TERT: variants seen among roughly 807,000 people sequenced by gnomAD.
TERT encodes telomerase reverse transcriptase, also known as telomerase catalytic subunit.
Under a neutral mutation model 104.0 loss-of-function variants are expected in TERT, and 42 were observed. That is an observed-to-expected ratio of 0.40 (90% CI 0.32 to 0.52). The LOEUF (loss-of-function observed/expected upper bound fraction) is 0.52, where lower values mean the gene tolerates loss of function less well. Ranked by LOEUF, TERT falls within the 20% of genes least tolerant of loss-of-function variation. The probability of loss-of-function intolerance (pLI) is 0.43; values close to 1 mark genes in which losing one functional copy is unlikely to be tolerated. For synonymous variants in TERT, 781 were observed against 725.6 expected (o/e 1.08, Z -1.23); for missense variants, 1,101 against 1,610.3 (o/e 0.68, Z 5.41).
In TERT at chr5:1,279,225, A is replaced by T. The variant is rs1025620708; in HGVS notation, c.2130+66T>A. The T allele has an allele frequency of 8.6e-6, 13 of 1,512,662 alleles. No homozygotes were observed. The African/African-American group carries it at 1.8e-4, about 21-fold the overall frequency. The allele number at this position is 1,512,662 out of a possible 1,614,324, so 93.7% of individuals were successfully genotyped here. On this transcript the variant is annotated intron_variant, in intron 5 of 15. Transcript: ENST00000310581. ...AGGAGTACCTCCTCCACCCAACATG[A>T]GGTGCCAATCAGGCAGCCACTCCCA... is the stretch of plus-strand genomic sequence containing the variant.
At chr5:1,266,993 C>G (rs893160423) in intron 9 of TERT, among the ~76,000 whole-genome samples, 48 of 152,324 alleles carry the variant, frequency 3.2e-4, no homozygotes, top group African/African-American at 1.1e-3. Flanking sequence ...GACCCTCAGG[C>G]CCAAGCCCAG....
intron 3 of TERT, among the ~76,000 whole-genome samples, chr5:1,281,949 G>C (rs192312870): frequency 2.0e-5 from 3 of 152,088 alleles, no homozygotes; most frequent in African/African-American, 7.2e-5. Flanking sequence ...TTAGCCAGGC[G>C]TGGTGGCAGG....
rs1000294061 is a variant in TERT at position 1,265,263 on chromosome 5, C to T, written c.2655-671G>A. On this transcript the variant is annotated intron_variant, in intron 10 of 15. Transcript: ENST00000310581. The surrounding 1 kb of genome is among the most constrained non-coding windows in gnomAD (Gnocchi z 6.9). Reference sequence around the variant, plus strand: ...CTTCCTGCGGCCTCTGCTGTGGCCCCGGGCGTCCCCCTGCCCTTCCTGTGG... The same window carrying T: ...CTTCCTGCGGCCTCTGCTGTGGCCCTGGGCGTCCCCCTGCCCTTCCTGTGG... Among the ~76,000 whole-genome samples, 3 of 152,138 alleles carry T rather than the reference C, an allele frequency of 2.0e-5. No homozygotes were observed. Among genetic ancestry groups the T allele is most frequent in the Non-Finnish European group, 2.9e-5 (2 of 68,012 alleles).
chr5:1,280,665 C>T (rs1749960725), intron 3 of TERT, among the ~76,000 whole-genome samples: 1 of 152,206 alleles, frequency 6.6e-6, no homozygotes, highest in South Asian at 2.1e-4. Context: ...AACCCATGCC[C>T]CTCCACACAG....
intron 13 of TERT, among the ~76,000 whole-genome samples, chr5:1,258,092 CA>C (rs924476790): frequency 3.3e-5 from 5 of 152,228 alleles, no homozygotes; most frequent in African/African-American, 1.2e-4. Context: ...GTTCCAGGAG[CA>C]CAGCCATGCC....
At position 1,255,593 on chromosome 5, in the gene TERT, C is replaced by T. The variant is rs543178062; in HGVS notation, c.3033-182G>A. On this transcript the variant is annotated intron_variant, in intron 13 of 15. Coordinates refer to ENST00000310581, the MANE Select transcript of TERT (RefSeq NM_198253.3). The surrounding 1 kb of genome is among the most constrained non-coding windows in gnomAD (Gnocchi z 6.9). ...ATGTCTGTGTGTGTGCTTGTGTGTG[C>T]GAGTAGCTGCGTGTCTGTGTGTGCA... 8.5e-5 allele frequency among the ~76,000 whole-genome samples: 13 copies of T among 152,326 alleles called. No individual in the cohort carries two copies. Among genetic ancestry groups the T allele is most frequent in the South Asian group, 8.3e-4 (4 of 4,830 alleles).
At position 1,265,551 on chromosome 5, in the gene TERT, C is replaced by T. The variant is rs955904931; in HGVS notation, c.2654+913G>A. Among the ~76,000 whole-genome samples the T allele has an allele frequency of 6.6e-6, 1 of 152,084 alleles. No homozygotes were observed. Among genetic ancestry groups the T allele is most frequent in the South Asian group, 2.1e-4 (1 of 4,828 alleles). ...CAGTTGCTTGGGACCTGGGCTCCCCCCGAGTGAATCTTAGTGGATTTAAAT... is the reference window on the plus strand; with the variant it reads ...CAGTTGCTTGGGACCTGGGCTCCCCTCGAGTGAATCTTAGTGGATTTAAAT... On this transcript the variant is annotated intron_variant, in intron 10 of 15. Transcript: ENST00000310581. This position sits in a 1 kb window ranked among gnomAD's most constrained non-coding sequence, Gnocchi z 6.9.
At chr5:1,289,167 CCGCAA>C (rs1750686336) in intron 2 of TERT, among the ~76,000 whole-genome samples, 2 of 149,770 alleles carry the variant, frequency 1.3e-5, no homozygotes, top group East Asian at 2.0e-4. Flanking sequence ...CACCCGGGGG[CCGCAA>C]CTCACTCACC....
rs1488980741 is a variant in TERT, at chr5:1,257,487, G to A, written c.3032+1111C>T. On this transcript the variant is annotated intron_variant, in intron 13 of 15. Transcript: ENST00000310581. The surrounding 1 kb of genome is among the most constrained non-coding windows in gnomAD (Gnocchi z 5.6). ...GCAGCTTGCACGAGGGCCCAGGCAC[G>A]CGTCAGGGAGATGCAAACGAGGGAA... 3.3e-5 allele frequency among the ~76,000 whole-genome samples: 5 copies of A among 152,144 alleles called. No individual in the cohort carries two copies. The highest frequency in any genetic ancestry group is 7.4e-5 in the Non-Finnish European group (5 of 68,024).
chr5:1,280,248 T>C lies in TERT; in HGVS notation c.1860A>G (p.Arg620=), dbSNP rs1462804544. 2.5e-6 allele frequency: 4 copies of C among 1,613,666 alleles called. No individual in the cohort carries two copies. Among genetic ancestry groups the C allele is most frequent in the Non-Finnish European group, 3.4e-6 (4 of 1,180,000 alleles). The change falls in exon 4 of 16, where the codon AGA becomes AGG. Residue 620 remains arginine (R), a synonymous_variant. Transcript: ENST00000310581. Reference sequence around the variant, plus strand: ...CGTCAGGCTTGGGGATGAAGCGGAGTCTGGACGTCAGCAGGGCGGGCCTGG... The same window carrying C: ...CGTCAGGCTTGGGGATGAAGCGGAGCCTGGACGTCAGCAGGGCGGGCCTGG... ...REARPALLTS[R]LRFIPKPDGL...
At chr5:1,291,393 A>G (rs370816349) in intron 2 of TERT, among the ~76,000 whole-genome samples, 30 of 11,466 alleles carry the variant, frequency 2.6e-3, no homozygotes, top group East Asian at 5.0e-3. Flanking sequence ...ACCCGGGGAC[A>G]GCGCCTCACT....
Position 1,280,254 on chromosome 5 carries a change from C to G in TERT, c.1854G>C (p.Thr618=), listed in dbSNP as rs746040728. ...QHREARPALL[T]SRLRFIPKPD... The stretch of plus-strand genomic sequence containing the variant: ...GCTTGGGGATGAAGCGGAGTCTGGA[C>G]GTCAGCAGGGCGGGCCTGGCTTCCC... Residue 618 remains threonine, a synonymous_variant, in exon 4 of 16, where the codon ACG becomes ACC. Transcript: ENST00000310581. 6.2e-7 allele frequency: 1 copy of G among 1,613,818 alleles called. No individual in the cohort carries two copies. Among genetic ancestry groups the G allele is most frequent in the East Asian group, 2.2e-5 (1 of 44,894 alleles).
Position 1,274,326 on chromosome 5 carries a change from C to T in TERT, c.2287-2046G>A, listed in dbSNP as rs558945938. Among the ~76,000 whole-genome samples, 1 of 152,222 alleles carries T rather than the reference C, an allele frequency of 6.6e-6. No individual in the cohort carries two copies. The highest frequency in any genetic ancestry group is 1.5e-5 in the Non-Finnish European group (1 of 68,040). ...CACAAATAGCCCATGGGTCTGAGGT[C>T]GGCGGAAAGCATCACAGAAATCCGT... On this transcript the variant is annotated intron_variant, in intron 6 of 15. Coordinates refer to ENST00000310581, the MANE Select transcript of TERT (RefSeq NM_198253.3). This position sits in a 1 kb window ranked among gnomAD's most constrained non-coding sequence, Gnocchi z 5.3.
intron 11 of TERT, among the ~76,000 whole-genome samples, 158 bp from the exon 12 acceptor site, chr5:1,260,758 A>T (rs1362911331): frequency 1.3e-5 from 2 of 151,592 alleles, no homozygotes; most frequent in Non-Finnish European, 2.9e-5. Flanking sequence ...CACTCCATGG[A>T]CTCCAAATGC....
chr5:1,279,413 C>T lies in TERT; in HGVS notation c.2008G>A (p.Ala670Thr), dbSNP rs1458244308. 6.4e-7 allele frequency: 1 copy of T among 1,552,124 alleles called. No homozygotes were observed. Among genetic ancestry groups the T allele is most frequent in the African/African-American group, 1.4e-5 (1 of 73,174 alleles). ...ALFSVLNYER[A>T]RRPGLLGASV... ...GCGCCCAGGAGGCCGGGGCGCCGCGCCCGCTCGTAGTTGAGCACGCTGAAC... is the reference window on the plus strand; with the variant it reads ...GCGCCCAGGAGGCCGGGGCGCCGCGTCCGCTCGTAGTTGAGCACGCTGAAC... Residue 670 changes from alanine (A) to threonine (T), a missense_variant, in exon 5 of 16, where the codon GCG becomes ACG. Ala to Thr is a moderately conservative substitution (Grantham distance 58). Around this residue, in one of 5 missense-constraint regions of TERT, gnomAD observed 463 missense variants for 797.5 expected, o/e 0.58. Coordinates refer to ENST00000310581, the MANE Select transcript of TERT (RefSeq NM_198253.3).
chr5:1,257,557 C>T lies in TERT; in HGVS notation c.3032+1041G>A, dbSNP rs974664719. ...AGGCAGAGAGGAGGGCGGTCTGAGC[C>T]GGACGCACCCTGGAACTGAGACAGC... On this transcript the variant is annotated intron_variant, in intron 13 of 15. Transcript: ENST00000310581. The surrounding 1 kb of genome is among the most constrained non-coding windows in gnomAD (Gnocchi z 5.6). Among the ~76,000 whole-genome samples the T allele has an allele frequency of 2.0e-5, 3 of 152,136 alleles. No individual in the cohort carries two copies. The highest frequency in any genetic ancestry group is 3.9e-4 in the East Asian group (2 of 5,194).
chr5:1,271,007 TG>T, intron 8 of TERT, 111 bp downstream of exon 8: 2 of 855,620 alleles, frequency 2.3e-6, no homozygotes, highest in Non-Finnish European at 3.8e-6. Flanking sequence ...AAGGAGACTC[TG>T]GTGGCCCCGG....
chr5:1,289,048 A>G (rs1425605872), intron 2 of TERT, among the ~76,000 whole-genome samples: 2 of 152,086 alleles, frequency 1.3e-5, no homozygotes, highest in African/African-American at 4.8e-5. Flanking sequence ...TTCAGGAGCA[A>G]GCTCAAGTGA....
rs1359900870 is a variant in TERT, at chr5:1,272,037, G to C, written c.2382+148C>G. 5.3e-6 allele frequency: 4 copies of C among 758,096 alleles called. No individual in the cohort carries two copies. In the African/African-American group the frequency reaches 6.9e-5, roughly 13 times the overall value. The allele number at this position is 758,096 out of a possible 1,614,324, so 47.0% of individuals were successfully genotyped here. The stretch of plus-strand genomic sequence containing the variant: ...ATGGCCCAGCTCAGATTTCGCCAAG[G>C]CACACAGCTCATCATGCCCCCATCA... On this transcript the variant is annotated intron_variant, in intron 7 of 15. Coordinates refer to ENST00000310581, the MANE Select transcript of TERT (RefSeq NM_198253.3).
Sources: allele counts gnomAD v4.1 joint callset (sites outside exome capture counted in the v4.1 genomes callset), GRCh38; gene constraint gnomAD v4.1.1; regional missense constraint gnomAD v4.1.1; non-coding constraint Gnocchi (gnomAD v3.1); transcripts MANE v1.5; gene names NCBI Gene and HGNC (gene_info 2026-07-23, HGNC 2026-07-21).